Variants in DSCAML1 observed in about 807,000 individuals in gnomAD.
The protein encoded by DSCAML1 is DS cell adhesion molecule like 1.
In DSCAML1, 38 loss-of-function variants were observed where a neutral mutation model predicts 200.5. The ratio of observed to expected loss-of-function variants is 0.19; its 90% CI spans 0.15 to 0.25. DSCAML1 has a LOEUF of 0.25. DSCAML1 is among the 10% of genes least tolerant of loss of function. The probability of loss-of-function intolerance (pLI) is 1.00; values close to 1 mark genes in which losing one functional copy is unlikely to be tolerated. For synonymous variants in DSCAML1, 1,215 were observed against 1,165.0 expected (o/e 1.04, Z -0.87); for missense variants, 2,223 against 2,858.8 (o/e 0.78, Z 5.07).
chr11:117,436,514 ATGTG>A (rs34000595), intron 26 of DSCAML1, among the ~76,000 whole-genome samples: 7 of 149,252 alleles, frequency 4.7e-5, no homozygotes, highest in Non-Finnish European at 9.0e-5. Context: ...CCTTCAATGG[ATGTG>A]TGTGTGTGTG....
At chr11:117,598,683 G>T (rs2051407451) in intron 3 of DSCAML1, among the ~76,000 whole-genome samples, 1 of 152,176 alleles carries the variant, frequency 6.6e-6, no homozygotes, top group Non-Finnish European at 1.5e-5. Flanking sequence ...CAGGGTTTGG[G>T]CTGGGTGGAG....
rs2048833153 is a variant in DSCAML1 at position 117,478,064 on chromosome 11, A to G, written c.2785+2379T>C. On this transcript the variant is annotated intron_variant, in intron 14 of 32. Transcript: ENST00000651296. Reference sequence around the variant, plus strand: ...AGTTCCTCATTCTGCAGGGAGCCAGAAGGGCAAGACGTGGATGTGCTGTAA... The same window carrying G: ...AGTTCCTCATTCTGCAGGGAGCCAGGAGGGCAAGACGTGGATGTGCTGTAA... Among the ~76,000 whole-genome samples, 9 of 152,222 alleles carry G rather than the reference A, an allele frequency of 5.9e-5. No individual in the cohort carries two copies. In the South Asian group the frequency reaches 1.9e-3, roughly 32 times the overall value.
chr11:117,640,618 T>C (rs2137593184), intron 3 of DSCAML1, among the ~76,000 whole-genome samples: 1 of 152,300 alleles, frequency 6.6e-6, no homozygotes, highest in East Asian at 1.9e-4. Flanking sequence ...GATTCTTTCT[T>C]CAAAACATGC....
chr11:117,795,482 G>C (rs2055554061), intron 1 of DSCAML1, among the ~76,000 whole-genome samples: 1 of 152,110 alleles, frequency 6.6e-6, no homozygotes, highest in South Asian at 2.1e-4. Context: ...CAGGAGGCAG[G>C]CTTCTTGCTC....
intron 19 of DSCAML1, among the ~76,000 whole-genome samples, chr11:117,452,300 G>A (rs2048298605): frequency 6.6e-6 from 1 of 152,140 alleles, no homozygotes; most frequent in African/African-American, 2.4e-5. Context: ...ATATTATTGA[G>A]TACATTCAAA....
chr11:117,494,440 T>C (rs886410496), intron 11 of DSCAML1, among the ~76,000 whole-genome samples: 1 of 152,198 alleles, frequency 6.6e-6, no homozygotes, highest in Non-Finnish European at 1.5e-5. Flanking sequence ...CTTTTAGACT[T>C]GACCTAGAGG....
intron 1 of DSCAML1, among the ~76,000 whole-genome samples, chr11:117,794,692 T>C (rs965346350): frequency 2.6e-5 from 4 of 151,452 alleles, no homozygotes; most frequent in Admixed American, 1.3e-4. Flanking sequence ...GGAGAGAAAA[T>C]ACTCCAAACC....
At chr11:117,471,776 G>T in intron 15 of DSCAML1, 93 bp downstream of exon 15, 2 of 1,454,168 alleles carry the variant, frequency 1.4e-6, no homozygotes, top group Non-Finnish European at 1.9e-6. Context: ...CCCTTTAACT[G>T]CAAGCTCATT....
rs1163026309 is a variant in DSCAML1 at position 117,439,414 on chromosome 11, A to C, written c.3996T>G (p.Ile1332Met). 1 of 1,612,854 alleles carries C rather than the reference A, an allele frequency of 6.2e-7. No individual in the cohort carries two copies. The highest frequency in any genetic ancestry group is 1.3e-5 in the African/African-American group (1 of 74,876). The change falls in exon 23 of 33, where the codon ATT becomes ATG. Residue 1332 changes from isoleucine (I) to methionine (M), a missense_variant. Physicochemically the swap from Ile to Met is conservative, Grantham distance 10. Around this residue, in one of 7 missense-constraint regions of DSCAML1, gnomAD observed 614 missense variants for 739.1 expected, o/e 0.83. Coordinates refer to ENST00000651296, the MANE Select transcript of DSCAML1 (RefSeq NM_020693.4). ...KWTKDSEDSA[I>M]PVSMDGHRLI... is the part of the protein sequence containing the mutation. ...GCCGGTGCCCATCCATGGACACTGG[A>C]ATGGCCGAGTCTTCACTGCCAGGGG...
intron 3 of DSCAML1, among the ~76,000 whole-genome samples, chr11:117,773,529 GCACACACACACACA>G (rs59492776): frequency 1.6e-4 from 23 of 144,586 alleles, no homozygotes; most frequent in South Asian, 6.7e-4. Flanking sequence ...ACCTCAAAAT[GCACACACACACACA>G]CACACACACA....
chr11:117,621,760 T>C (rs537898924), intron 3 of DSCAML1, among the ~76,000 whole-genome samples: 5 of 152,324 alleles, frequency 3.3e-5, no homozygotes, highest in Non-Finnish European at 4.4e-5. Flanking sequence ...CTTATCTATA[T>C]GCAGGAGGCA....
At chr11:117,703,930 C>G (rs182192220) in intron 3 of DSCAML1, among the ~76,000 whole-genome samples, 2 of 152,208 alleles carry the variant, frequency 1.3e-5, no homozygotes, top group African/African-American at 4.8e-5. Flanking sequence ...TGTGCCAACT[C>G]TTCTCTTGTA....
chr11:117,649,598 C>G (rs1216981130), intron 3 of DSCAML1, among the ~76,000 whole-genome samples: 1 of 152,220 alleles, frequency 6.6e-6, no homozygotes, highest in Admixed American at 6.5e-5. Context: ...GACCCCACCA[C>G]TCTTCTTCAT....
Position 117,589,113 on chromosome 11 carries a change from G to T in DSCAML1, c.512-56591C>A, listed in dbSNP as rs12289755. Among the ~76,000 whole-genome samples the T allele has an allele frequency of 3.8e-3, 572 of 152,326 alleles. 3 individuals carry two copies. Among genetic ancestry groups the T allele is most frequent in the African/African-American group, 0.013 (552 of 41,572 alleles). ...TGTTAGCTTACTCCAAGCCTCAGAT[G>T]GGACTGGTGGCCTCTTCCTCCACCA... is the stretch of plus-strand genomic sequence containing the variant. On this transcript the variant is annotated intron_variant, in intron 3 of 32. Coordinates refer to ENST00000651296, the MANE Select transcript of DSCAML1 (RefSeq NM_020693.4).
chr11:117,721,721 A>G (rs2054044234), intron 3 of DSCAML1, among the ~76,000 whole-genome samples: 1 of 147,452 alleles, frequency 6.8e-6, no homozygotes, highest in Non-Finnish European at 1.5e-5. Flanking sequence ...AAAATATATC[A>G]TATATCATAT....
Position 117,437,998 on chromosome 11 carries a change from G to A in DSCAML1, c.4329C>T (p.Asp1443=), listed in dbSNP as rs1330008119. ...ISSSERSFKL[D]SLKCGTWYKV... is the part of the protein sequence containing the mutation. Reference sequence around the variant, plus strand: ...TGTACCACGTGCCACACTTGAGGCTGTCCAGCTTGAAGGAGCGCTCGCTGG... The same window carrying A: ...TGTACCACGTGCCACACTTGAGGCTATCCAGCTTGAAGGAGCGCTCGCTGG... The change falls in exon 25 of 33, where the codon GAC becomes GAT. Residue 1443 remains aspartate (D), a synonymous_variant. Transcript: ENST00000651296. The surrounding 1 kb of genome is among the most constrained non-coding windows in gnomAD (Gnocchi z 5.3). 3 of 1,614,012 alleles carry A rather than the reference G, an allele frequency of 1.9e-6. No homozygotes were observed. Among genetic ancestry groups the A allele is most frequent in the Non-Finnish European group, 2.5e-6 (3 of 1,180,020 alleles).
intron 2 of DSCAML1, among the ~76,000 whole-genome samples, chr11:117,778,968 G>A (rs2055182683): frequency 2.6e-5 from 4 of 152,114 alleles, no homozygotes; most frequent in Admixed American, 2.6e-4. Flanking sequence ...CCAATGGAAT[G>A]AAGGACAGCT....
chr11:117,471,009 TC>T (rs2137178665), intron 15 of DSCAML1, among the ~76,000 whole-genome samples: 1 of 152,198 alleles, frequency 6.6e-6, no homozygotes, highest in African/African-American at 2.4e-5. Flanking sequence ...ATCACAAAAA[TC>T]AGGATATTGA....
chr11:117,512,643 TACAC>T (rs71037481), intron 8 of DSCAML1, among the ~76,000 whole-genome samples: 3,532 of 125,044 alleles, frequency 0.028, 135 homozygotes, highest in African/African-American at 0.093. Flanking sequence ...CAAGCGTGTG[TACAC>T]ACACACACAC....
Sources: allele counts gnomAD v4.1 joint callset (sites outside exome capture counted in the v4.1 genomes callset), GRCh38; gene constraint gnomAD v4.1.1; regional missense constraint gnomAD v4.1.1; non-coding constraint Gnocchi (gnomAD v3.1); transcripts MANE v1.5; gene names NCBI Gene and HGNC (gene_info 2026-07-23, HGNC 2026-07-21).